The following NPAS3 variants were observed in gnomAD, a reference collection of about 807,000 sequenced individuals.
The protein encoded by NPAS3 is neuronal PAS domain protein 3.
In NPAS3, 14 loss-of-function variants were observed where a neutral mutation model predicts 73.1. That is an observed-to-expected ratio of 0.19 (90% confidence interval 0.13 to 0.30). The LOEUF is 0.30. Ranked by LOEUF, NPAS3 falls within the 10% of genes least tolerant of loss-of-function variation. NPAS3 has a pLI of 1.00. For missense variants in NPAS3, 1,096 were observed against 1,250.0 expected (o/e 0.88, Z 1.86); for synonymous variants, 620 against 541.5 (o/e 1.14, Z -2.01).
At chr14:33,654,077 T>G (rs2140243245) in intron 5 of NPAS3, among the ~76,000 whole-genome samples, 1 of 152,346 alleles carries the variant, frequency 6.6e-6, no homozygotes, top group South Asian at 2.1e-4. Context: ...GCTTGCTTAA[T>G]TATCTTTCAA....
intron 5 of NPAS3, among the ~76,000 whole-genome samples, chr14:33,604,084 G>A (rs9806008): frequency 0.16 from 24,313 of 151,812 alleles, 2,363 homozygotes; most frequent in East Asian, 0.33. Flanking sequence ...GGAATGCTCA[G>A]TTAATCTGAA....
chr14:33,274,433 G>A (rs565636728), intron 3 of NPAS3, among the ~76,000 whole-genome samples: 1 of 152,224 alleles, frequency 6.6e-6, no homozygotes, highest in South Asian at 2.1e-4. Flanking sequence ...TTAACTGCCT[G>A]CCATCCTAAT....
At chr14:33,116,103 G>T (rs1021192860) in intron 2 of NPAS3, among the ~76,000 whole-genome samples, 1 of 152,004 alleles carries the variant, frequency 6.6e-6, no homozygotes, top group African/African-American at 2.4e-5. Context: ...AGCTACTTGG[G>T]TGCCTTTTAG....
At chr14:33,114,042 C>A (rs1292190712) in intron 2 of NPAS3, among the ~76,000 whole-genome samples, 1 of 151,774 alleles carries the variant, frequency 6.6e-6, no homozygotes, top group Non-Finnish European at 1.5e-5. Flanking sequence ...GGAAAATTTT[C>A]TTTTTTTAAT....
At chr14:33,204,113 TGG>T (rs1187059180) in intron 2 of NPAS3, among the ~76,000 whole-genome samples, 1 of 152,212 alleles carries the variant, frequency 6.6e-6, no homozygotes, top group Non-Finnish European at 1.5e-5. Flanking sequence ...TCTGCATAAA[TGG>T]GCTGAGCACT....
At chr14:33,207,698 G>A (rs1033178933) in intron 2 of NPAS3, among the ~76,000 whole-genome samples, 1 of 152,094 alleles carries the variant, frequency 6.6e-6, no homozygotes, top group Non-Finnish European at 1.5e-5. Context: ...ATGAGAAATG[G>A]AATTATGTTA....
intron 4 of NPAS3, among the ~76,000 whole-genome samples, chr14:33,518,786 A>AC (rs1005593219): frequency 1.1e-5 from 1 of 92,516 alleles, no homozygotes; most frequent in Non-Finnish European, 2.5e-5. Flanking sequence ...TTCCCCAAAT[A>AC]CTTCTCCTTC....
At chr14:33,051,847 C>T (rs181161871) in intron 1 of NPAS3, among the ~76,000 whole-genome samples, 5 of 152,308 alleles carry the variant, frequency 3.3e-5, no homozygotes, top group South Asian at 4.1e-4. Flanking sequence ...GCAACCTCCA[C>T]CTCCCGGGTT....
At chr14:33,686,578 A>C (rs1227230457) in intron 6 of NPAS3, among the ~76,000 whole-genome samples, 1 of 152,116 alleles carries the variant, frequency 6.6e-6, no homozygotes, top group Non-Finnish European at 1.5e-5. Context: ...CACCTCATTT[A>C]TTTCTCACAA....
intron 4 of NPAS3, among the ~76,000 whole-genome samples, chr14:33,497,393 C>T (rs552590020): frequency 5.3e-5 from 8 of 152,220 alleles, no homozygotes; most frequent in African/African-American, 1.9e-4. Context: ...ATAGCTAAGA[C>T]AATCCTAAGC....
chr14:33,648,315 T>C (rs1372951325), intron 5 of NPAS3, among the ~76,000 whole-genome samples: 1 of 152,220 alleles, frequency 6.6e-6, no homozygotes, highest in Non-Finnish European at 1.5e-5. Context: ...TTAGGTCCAT[T>C]GAAAACTTAG....
chr14:33,759,652 T>C (rs1486322605), intron 7 of NPAS3, among the ~76,000 whole-genome samples: 8 of 152,170 alleles, frequency 5.3e-5, no homozygotes, highest in Admixed American at 5.2e-4. Context: ...ATAGGAAAAA[T>C]AAAATGTATC....
chr14:33,012,551 T>G (rs2039243601), intron 1 of NPAS3, among the ~76,000 whole-genome samples: 2 of 151,564 alleles, frequency 1.3e-5, no homozygotes, highest in African/African-American at 4.8e-5. Flanking sequence ...CAAAGTCATA[T>G]CTTTTTTTTT....
upstream of NPAS3, chr14:32,935,075 T>C: frequency 2.2e-6 from 2 of 926,854 alleles, no homozygotes; most frequent in Non-Finnish European, 2.8e-6. Context: ...CTTTGCCTCC[T>C]GTTTTGTGTC....
chr14:33,017,772 T>G (rs2039447986), intron 1 of NPAS3, among the ~76,000 whole-genome samples: 1 of 152,176 alleles, frequency 6.6e-6, no homozygotes, highest in Non-Finnish European at 1.5e-5. Context: ...ATTTAGAATT[T>G]ACTGCACTAA....
chr14:33,738,072 G>A (rs1222688633), intron 7 of NPAS3, among the ~76,000 whole-genome samples: 8 of 152,242 alleles, frequency 5.3e-5, no homozygotes, highest in East Asian at 3.9e-4. Context: ...CATTGACTGC[G>A]TGGCAGCCAC....
intron 4 of NPAS3, among the ~76,000 whole-genome samples, chr14:33,417,197 T>C (rs946200757): frequency 2.6e-5 from 4 of 152,044 alleles, no homozygotes; most frequent in Admixed American, 2.0e-4. Flanking sequence ...CTCTGATAGC[T>C]AGAAATATTA....
At chr14:33,048,690 C>A (rs776988481) in intron 1 of NPAS3, among the ~76,000 whole-genome samples, 70 of 152,172 alleles carry the variant, frequency 4.6e-4, no homozygotes, top group Non-Finnish European at 1.0e-4. Context: ...AACCACTTCC[C>A]AGAACCCCAA....
At chr14:33,373,068 C>G (rs924271624) in intron 4 of NPAS3, among the ~76,000 whole-genome samples, 2 of 152,096 alleles carry the variant, frequency 1.3e-5, no homozygotes. Context: ...TAACAAAACA[C>G]AAAATGGTAG....
Sources: gnomAD v4.1 joint callset for allele counts (sites outside exome capture counted in the v4.1 genomes callset) on GRCh38, gnomAD v4.1.1 for gene constraint, MANE v1.5 for transcripts, NCBI Gene and HGNC (gene_info 2026-07-23, HGNC 2026-07-21) for gene names.